ST13: variants seen among roughly 807,000 people sequenced by gnomAD.
ST13 encodes the protein ST13 Hsp70 interacting protein.
A neutral mutation model predicts 56.7 loss-of-function variants in ST13; 23 were observed. The ratio of observed to expected loss-of-function variants is 0.41; its 90% confidence interval spans 0.29 to 0.57. The LOEUF (loss-of-function observed/expected upper bound fraction) is 0.57. Among genes scored for constraint, ST13 ranks in the 20% least tolerant of loss-of-function variants. The pLI, the probability that ST13 is intolerant of heterozygous loss-of-function variation, is 0.36. For missense variants in ST13, 369 were observed against 459.9 expected (o/e 0.80, Z 1.81); for synonymous variants, 132 against 142.4 (o/e 0.93, Z 0.52).
rs189633776 is a variant in ST13 at position 40,848,283 on chromosome 22, C to T, written c.244+11G>A. ...AGGTTTTCAAATACAAACTAACTAC[C>T]GTCTCCTCACCTAGATCACTTTCCT... is the stretch of plus-strand genomic sequence containing the variant. On this transcript the variant is annotated intron_variant, in intron 3 of 11. Transcript: ENST00000216218. 2,419 of 1,601,904 alleles carry T rather than the reference C, an allele frequency of 1.5e-3. 8 individuals are homozygous for T. Among genetic ancestry groups the T allele is most frequent in the Non-Finnish European group, 1.8e-3 (2,158 of 1,169,144 alleles).
At chr22:40,828,440 T>A (rs1248104447) in intron 10 of ST13, among the ~76,000 whole-genome samples, 5 of 111,280 alleles carry the variant, frequency 4.5e-5, no homozygotes, top group Non-Finnish European at 5.2e-5. Flanking sequence ...CCGTCTCTAC[T>A]AAAAATACAA....
intron 3 of ST13, among the ~76,000 whole-genome samples, chr22:40,846,068 C>T (rs961187332): frequency 1.3e-5 from 2 of 152,154 alleles, no homozygotes; most frequent in African/African-American, 4.8e-5. Context: ...TCCCAGGTAG[C>T]TGGGATTACA....
chr22:40,834,148 G>A (rs937927532), intron 7 of ST13, among the ~76,000 whole-genome samples: 1 of 151,974 alleles, frequency 6.6e-6, no homozygotes, highest in African/African-American at 2.4e-5. Flanking sequence ...ATGGTGGGGC[G>A]CGACTGTAAG....
intron 10 of ST13, among the ~76,000 whole-genome samples, chr22:40,828,942 C>T (rs1419536998): frequency 6.6e-6 from 1 of 152,088 alleles, no homozygotes; most frequent in African/African-American, 2.4e-5. Flanking sequence ...AGTACTAGCC[C>T]AACATTAGCA....
chr22:40,832,640 C>T lies in ST13; in HGVS notation c.610G>A (p.Asp204Asn), dbSNP rs1257815923. ...TCCAATTTACAGGCAAGGGCAAGAT[C>T]ATGGGCTGCTTCTTCCCAGTGGCCT... ...LLGHWEEAAHDLALACKLDYD... is the reference protein window; with the variant it reads ...LLGHWEEAAHNLALACKLDYD... The change falls in exon 8 of 12, where the codon GAT becomes AAT. Residue 204 changes from aspartate to asparagine, a missense_variant. Transcript: ENST00000216218. 6.2e-7 allele frequency: 1 copy of T among 1,602,170 alleles called. No homozygotes were observed. The highest frequency in any genetic ancestry group is 1.3e-5 in the African/African-American group (1 of 74,904).
intron 4 of ST13, 53 bp from the exon 5 acceptor site, chr22:40,840,745 G>A: frequency 1.3e-6 from 2 of 1,488,494 alleles, no homozygotes; most frequent in Non-Finnish European, 1.9e-6. Flanking sequence ...AGAGAAGGAA[G>A]CAATTCATAC....
intron 3 of ST13, among the ~76,000 whole-genome samples, chr22:40,846,730 C>T (rs888196413): frequency 2.0e-5 from 3 of 152,190 alleles, no homozygotes; most frequent in African/African-American, 7.2e-5. Context: ...TGGTGGCTCA[C>T]ACCTGTAATC....
At chr22:40,840,509 C>T (rs1371032881) in intron 5 of ST13, 117 bp downstream of exon 5, 3 of 808,898 alleles carry the variant, frequency 3.7e-6, no homozygotes, top group Non-Finnish European at 4.0e-6. Context: ...GATAATAGGA[C>T]ACTATCTTCT....
At chr22:40,851,246 C>T (rs1027210568) in intron 1 of ST13, among the ~76,000 whole-genome samples, 1 of 152,118 alleles carries the variant, frequency 6.6e-6, no homozygotes, top group African/African-American at 2.4e-5. Context: ...TATCTGAATC[C>T]TAAATTTGAA....
Position 40,850,927 on chromosome 22 carries a change from C to G in ST13, c.111-47G>C. Reference sequence around the variant, plus strand: ...GATATTTGTTTAGAAAATTAAAATTCACTGTCACGCAACGTATTTACACCT... The same window carrying G: ...GATATTTGTTTAGAAAATTAAAATTGACTGTCACGCAACGTATTTACACCT... On this transcript the variant is annotated intron_variant, in intron 1 of 11. Transcript: ENST00000216218. 2.8e-6 allele frequency: 4 copies of G among 1,416,656 alleles called. No individual in the cohort carries two copies. The South Asian group carries it at 3.7e-5, about 13-fold the overall frequency. 87.8% of individuals were successfully genotyped at this position (1,416,656 alleles called of 1,614,324 possible).
intron 4 of ST13, among the ~76,000 whole-genome samples, chr22:40,841,203 G>GA (rs1187227386): frequency 0.17 from 15,124 of 90,428 alleles, 966 homozygotes; most frequent in African/African-American, 0.26. Flanking sequence ...CCAAAAAAAA[G>GA]AAAAAAAAAA....
At chr22:40,844,280 A>G (rs1291041391) in intron 4 of ST13, among the ~76,000 whole-genome samples, 2 of 152,178 alleles carry the variant, frequency 1.3e-5, no homozygotes, top group Non-Finnish European at 2.9e-5. Context: ...ATAAAAACCA[A>G]TCTTTTAAAA....
intron 6 of ST13, 43 bp downstream of exon 6, chr22:40,835,760 G>C (rs1378453498): frequency 1.2e-6 from 2 of 1,602,674 alleles, no homozygotes; most frequent in East Asian, 2.2e-5. Context: ...CAAATGTGCA[G>C]AAATTATTTG....
intron 6 of ST13, 39 bp downstream of exon 6, chr22:40,835,764 T>C: frequency 6.2e-7 from 1 of 1,605,046 alleles, no homozygotes; most frequent in Non-Finnish European, 8.5e-7. Flanking sequence ...TGTGCAGAAA[T>C]TATTTGCCAG....
chr22:40,832,272 T>C, intron 8 of ST13: 3 of 486,180 alleles, frequency 6.2e-6, no homozygotes, highest in South Asian at 4.7e-5. Flanking sequence ...ATTATAGATT[T>C]TCTATTTGTT....
Position 40,830,884 on chromosome 22 carries a change from C to T in ST13, c.754G>A (p.Glu252Lys), listed in dbSNP as rs765736144. ...REEREIKERIERVKKAREEHE... is the reference protein window; with the variant it reads ...REEREIKERIKRVKKAREEHE... Reference sequence around the variant, plus strand: ...TCTTCTCGAGCCTTCTTAACTCGTTCTATTCTTTCTTTGATCTCTCGCTCT... The same window carrying T: ...TCTTCTCGAGCCTTCTTAACTCGTTTTATTCTTTCTTTGATCTCTCGCTCT... The change falls in exon 9 of 12, where the codon GAA becomes AAA. Residue 252 changes from glutamate (E) to lysine (K), a missense_variant. Around this residue, in one of 3 missense-constraint regions of ST13, gnomAD observed 136 missense variants for 159.2 expected, o/e 0.85. Transcript: ENST00000216218. The T allele has an allele frequency of 6.2e-7, 1 of 1,607,948 alleles. No homozygotes were observed. The highest frequency in any genetic ancestry group is 8.5e-7 in the Non-Finnish European group (1 of 1,179,618).
intron 1 of ST13, among the ~76,000 whole-genome samples, chr22:40,854,327 G>C (rs927155412): frequency 6.6e-6 from 1 of 152,106 alleles, no homozygotes; most frequent in African/African-American, 2.4e-5. Context: ...AAGAGAAAAA[G>C]CTTCTATATT....
At chr22:40,852,470 T>G (rs538645535) in intron 1 of ST13, among the ~76,000 whole-genome samples, 1 of 152,208 alleles carries the variant, frequency 6.6e-6, no homozygotes, top group East Asian at 1.9e-4. Context: ...ACCCTGTAGG[T>G]TGCCTTTTCA....
chr22:40,846,867 C>G (rs1021418697), intron 3 of ST13, among the ~76,000 whole-genome samples: 1 of 152,046 alleles, frequency 6.6e-6, no homozygotes, highest in East Asian at 1.9e-4. Context: ...TGGTGGCATA[C>G]GCCTGTAGTC....
Sources: allele counts gnomAD v4.1 joint callset (sites outside exome capture counted in the v4.1 genomes callset), GRCh38; gene constraint gnomAD v4.1.1; regional missense constraint gnomAD v4.1.1; transcripts MANE v1.5; gene names NCBI Gene and HGNC (gene_info 2026-07-23, HGNC 2026-07-21).